MCTP1: variants seen among roughly 807,000 people sequenced by gnomAD.
The protein encoded by MCTP1 is multiple C2 and transmembrane domain-containing protein 1.
MCTP1 carries 69 observed loss-of-function variants against 120.6 expected under a neutral mutation model. That is an observed-to-expected ratio of 0.57 (90% CI 0.47 to 0.70). The LOEUF is 0.70. MCTP1 is among the 30% of genes least tolerant of loss of function. The pLI is 0.00. For missense variants in MCTP1, 1,203 were observed against 1,248.8 expected (o/e 0.96, Z 0.55); for synonymous variants, 529 against 493.1 (o/e 1.07, Z -0.96).
At chr5:95,134,768 C>G (rs1368853428) in intron 1 of MCTP1, among the ~76,000 whole-genome samples, 1 of 151,950 alleles carries the variant, frequency 6.6e-6, no homozygotes, top group Admixed American at 6.6e-5. Context: ...CAGAGTGGGA[C>G]AATGATACAG....
intron 1 of MCTP1, among the ~76,000 whole-genome samples, chr5:95,050,185 C>T (rs1745528337): frequency 6.6e-6 from 1 of 151,552 alleles, no homozygotes; most frequent in African/African-American, 2.4e-5. Context: ...GTAGGTGCTA[C>T]AGATTCAGAA....
chr5:94,712,136 T>C (rs1292835466), intron 20 of MCTP1, among the ~76,000 whole-genome samples: 4 of 152,142 alleles, frequency 2.6e-5, no homozygotes, highest in African/African-American at 9.7e-5. Flanking sequence ...GATTCTATTA[T>C]GTGGATTTAG....
chr5:94,835,520 A>G (rs80332127), intron 17 of MCTP1, among the ~76,000 whole-genome samples: 5,867 of 152,162 alleles, frequency 0.039, 181 homozygotes, highest in South Asian at 0.093. Flanking sequence ...GTCCTCATCT[A>G]GAGGACTGTT....
At chr5:95,147,962 T>C (rs1290205423) in intron 1 of MCTP1, among the ~76,000 whole-genome samples, 3 of 152,164 alleles carry the variant, frequency 2.0e-5, no homozygotes, top group Non-Finnish European at 4.4e-5. Flanking sequence ...TTATGAAGCT[T>C]AGTTTGGTGG....
chr5:95,077,948 A>AG (rs1753999173), intron 1 of MCTP1, among the ~76,000 whole-genome samples: 1 of 150,862 alleles, frequency 6.6e-6, no homozygotes, highest in African/African-American at 2.4e-5. Flanking sequence ...CACATTCTCT[A>AG]GTCTGGTCCC....
intron 19 of MCTP1, among the ~76,000 whole-genome samples, chr5:94,773,369 A>T (rs1211366440): frequency 6.6e-6 from 1 of 152,172 alleles, no homozygotes; most frequent in Admixed American, 6.5e-5. Context: ...GTTGGGTTAT[A>T]GTATTGCAAT....
At chr5:94,833,140 T>G (rs1788944289) in intron 17 of MCTP1, among the ~76,000 whole-genome samples, 1 of 152,108 alleles carries the variant, frequency 6.6e-6, no homozygotes, top group African/African-American at 2.4e-5. Flanking sequence ...GGTGGACAAT[T>G]TTTTAAAGCA....
chr5:95,242,845 G>A (rs546191754), intron 1 of MCTP1, among the ~76,000 whole-genome samples: 58 of 152,268 alleles, frequency 3.8e-4, no homozygotes, highest in South Asian at 2.1e-3. Context: ...GGATGTACAC[G>A]TCACAATTCA....
In MCTP1 at chr5:94,942,394, A is replaced by C; in HGVS notation, c.1015T>G (p.Phe339Val). The stretch of plus-strand genomic sequence containing the variant: ...AGATCCAGAAAGGCTGAGCCCATAA[A>C]GTCATCCTGTAGTCCAAAATCATAG... ...FDYDFGLQDD[F>V]MGSAFLDLTQ... is the part of the protein sequence containing the mutation. The change falls in exon 4 of 23, where the codon TTT (phenylalanine) becomes GTT (valine). Residue 339 changes from phenylalanine to valine, a missense_variant. Physicochemically the swap from Phe to Val is conservative, Grantham distance 50. Around this residue, in one of 2 missense-constraint regions of MCTP1, gnomAD observed 740 missense variants for 871.1 expected, o/e 0.85. Coordinates refer to ENST00000515393, the MANE Select transcript of MCTP1 (RefSeq NM_024717.7). The C allele has an allele frequency of 6.2e-7, 1 of 1,611,434 alleles. No homozygotes were observed. Among genetic ancestry groups the C allele is most frequent in the Non-Finnish European group, 8.5e-7 (1 of 1,178,284 alleles).
At chr5:95,038,823 G>C (rs1841803362) in intron 1 of MCTP1, among the ~76,000 whole-genome samples, 1 of 152,142 alleles carries the variant, frequency 6.6e-6, no homozygotes, top group South Asian at 2.1e-4. Flanking sequence ...CACACATTAG[G>C]CTATAAGTCA....
intron 17 of MCTP1, among the ~76,000 whole-genome samples, chr5:94,828,696 T>C (rs1292371071): frequency 6.6e-6 from 1 of 152,212 alleles, no homozygotes; most frequent in Non-Finnish European, 1.5e-5. Flanking sequence ...ACAGTAGCTT[T>C]GCTGAGCTGC....
chr5:94,760,616 C>T (rs1266808110), intron 19 of MCTP1, among the ~76,000 whole-genome samples: 3 of 152,072 alleles, frequency 2.0e-5, no homozygotes, highest in African/African-American at 4.8e-5. Flanking sequence ...TACCTATGTA[C>T]AGCAGAGAAA....
rs180847119 is a variant in MCTP1 at position 94,996,418 on chromosome 5, A to G, written c.838+20949T>C. On this transcript the variant is annotated intron_variant, in intron 2 of 22. Coordinates refer to ENST00000515393, the MANE Select transcript of MCTP1 (RefSeq NM_024717.7). ...AGGATTCCTTGAGTAAAATTTTAGG[A>G]TACTATAGCCATTTCCCATTATCCA... is the stretch of plus-strand genomic sequence containing the variant. 1.7e-3 allele frequency among the ~76,000 whole-genome samples: 252 copies of G among 152,262 alleles called. 3 individuals carry two copies. Among genetic ancestry groups the G allele is most frequent in the African/African-American group, 5.7e-3 (237 of 41,540 alleles).
chr5:95,086,029 T>C (rs1304020934), intron 1 of MCTP1, among the ~76,000 whole-genome samples: 2 of 152,152 alleles, frequency 1.3e-5, no homozygotes, highest in Non-Finnish European at 2.9e-5. Context: ...GTTTATAATG[T>C]CCTTTGCTGT....
intron 1 of MCTP1, among the ~76,000 whole-genome samples, chr5:95,208,931 A>T (rs953558997): frequency 2.0e-5 from 3 of 151,912 alleles, no homozygotes; most frequent in Admixed American, 6.6e-5. Flanking sequence ...TCCTTCTTTA[A>T]TCTGTTTCTT....
chr5:95,206,305 A>T (rs1329526311), intron 1 of MCTP1, among the ~76,000 whole-genome samples: 8 of 152,230 alleles, frequency 5.3e-5, no homozygotes, highest in Non-Finnish European at 1.2e-4. Flanking sequence ...AAATGCTCAG[A>T]AAAACAATAG....
At chr5:95,108,074 C>A (rs1757216839) in intron 1 of MCTP1, among the ~76,000 whole-genome samples, 1 of 152,118 alleles carries the variant, frequency 6.6e-6, no homozygotes, top group African/African-American at 2.4e-5. Flanking sequence ...AGCAGTCAAG[C>A]CAATTTTAGT....
At chr5:94,923,363 G>T (rs1812196919) in intron 7 of MCTP1, among the ~76,000 whole-genome samples, 1 of 152,004 alleles carries the variant, frequency 6.6e-6, no homozygotes, top group Admixed American at 6.6e-5. Context: ...TTAGAGCAGA[G>T]AAAAAAATGG....
intron 2 of MCTP1, among the ~76,000 whole-genome samples, chr5:94,982,072 C>T (rs1314766866): frequency 6.6e-6 from 1 of 152,124 alleles, no homozygotes; most frequent in African/African-American, 2.4e-5. Context: ...ACATTGTTTT[C>T]TTAAGTTACT....
Sources: allele counts gnomAD v4.1 joint callset (sites outside exome capture counted in the v4.1 genomes callset), GRCh38; gene constraint gnomAD v4.1.1; regional missense constraint gnomAD v4.1.1; transcripts MANE v1.5; gene names NCBI Gene and HGNC (gene_info 2026-07-23, HGNC 2026-07-21).